ADAMTSL3: variants seen among roughly 807,000 people sequenced by gnomAD.
ADAMTSL3 encodes ADAMTS like 3, also known as ADAMTS-like protein 3.
A neutral mutation model predicts 201.7 loss-of-function variants in ADAMTSL3; 128 were observed. The ratio of observed to expected loss-of-function variants is 0.63; its 90% CI spans 0.55 to 0.73. ADAMTSL3 has a LOEUF of 0.73. Among genes scored for constraint, ADAMTSL3 ranks in the 30% least tolerant of loss-of-function variants. ADAMTSL3 has a pLI of 0.00. For synonymous variants in ADAMTSL3, 738 were observed against 748.4 expected (o/e 0.99, Z 0.23); for missense variants, 1,990 against 2,119.6 (o/e 0.94, Z 1.20).
intron 19 of ADAMTSL3, among the ~76,000 whole-genome samples, chr15:83,969,383 C>G (rs6603010): frequency 1 from 152,354 of 152,354 alleles, 76,177 homozygotes; most frequent in Non-Finnish European, 1. Flanking sequence ...GGCAGAGATT[C>G]CAGTGAGCTG....
Position 83,714,892 on chromosome 15 carries a change from T to TTC in ADAMTSL3, c.189+10384_189+10385insTC, listed in dbSNP as rs2061993347. Among the ~76,000 whole-genome samples, 35 of 37,780 alleles carry TTC rather than the reference T, an allele frequency of 9.3e-4. 1 individual carries two copies. The highest frequency in any genetic ancestry group is 2.6e-3 in the South Asian group (1 of 390). 24.8% of individuals were successfully genotyped at this position (37,780 alleles called of 152,430 possible). A position where few individuals can be genotyped will look rare whatever the true frequency, so the allele number is the denominator to read the frequency against. Reference sequence around the variant, plus strand: ...TCCCTCCCTCCCTTCCTTCCTTCCTTCCTTCCTTCCTTCCTTCCTTCCTTC... The same window carrying TTC: ...TCCCTCCCTCCCTTCCTTCCTTCCTTTCCCTTCCTTCCTTCCTTCCTTCCTTC... On this transcript the variant is annotated intron_variant, in intron 3 of 29. Coordinates refer to ENST00000286744, the MANE Select transcript of ADAMTSL3 (RefSeq NM_207517.3).
At chr15:84,015,699 T>C (rs2068077057) in intron 24 of ADAMTSL3, among the ~76,000 whole-genome samples, 1 of 152,214 alleles carries the variant, frequency 6.6e-6, no homozygotes, top group Non-Finnish European at 1.5e-5. Context: ...TCTTCCAAAA[T>C]CTTCGAATGG....
chr15:83,730,041 A>G (rs1026249927), intron 3 of ADAMTSL3, among the ~76,000 whole-genome samples: 6 of 152,096 alleles, frequency 3.9e-5, no homozygotes, highest in Non-Finnish European at 8.8e-5. Context: ...TACCTTGGCA[A>G]AATCCACTGG....
At chr15:83,787,240 T>C (rs967671513) in intron 4 of ADAMTSL3, among the ~76,000 whole-genome samples, 5 of 152,210 alleles carry the variant, frequency 3.3e-5, no homozygotes, top group African/African-American at 9.6e-5. Flanking sequence ...CGCTGTATTG[T>C]TTTATTTTTC....
intron 28 of ADAMTSL3, 116 bp downstream of exon 28, chr15:84,031,548 T>C: frequency 4.6e-6 from 4 of 871,558 alleles, no homozygotes; most frequent in Non-Finnish European, 5.5e-6. Context: ...TAATTGACAG[T>C]TTTCAATTAT....
intron 4 of ADAMTSL3, among the ~76,000 whole-genome samples, chr15:83,786,029 A>G (rs1439302039): frequency 6.6e-6 from 1 of 151,894 alleles, no homozygotes; most frequent in African/African-American, 2.4e-5. Flanking sequence ...TTTAGTAGAG[A>G]TGGGGTTTCA....
chr15:83,654,491 A>G lies in ADAMTSL3; in HGVS notation c.-34+215A>G, dbSNP rs1567052267. Among the ~76,000 whole-genome samples the G allele has an allele frequency of 6.6e-6, 1 of 151,974 alleles. No individual in the cohort carries two copies. Among genetic ancestry groups the G allele is most frequent in the Non-Finnish European group, 1.5e-5 (1 of 67,994 alleles). On this transcript the variant is annotated intron_variant, in intron 1 of 29. Transcript: ENST00000286744. This position sits in a 1 kb window ranked among gnomAD's most constrained non-coding sequence, Gnocchi z 5.3. ...CGGGCGCGCTTCGTGCCGTCCCGGA[A>G]GGTTCAGGGAGAGTCTTTCGGCGGC... is the stretch of plus-strand genomic sequence containing the variant.
intron 17 of ADAMTSL3, among the ~76,000 whole-genome samples, chr15:83,931,159 G>C (rs1053712585): frequency 2.0e-5 from 3 of 152,158 alleles, no homozygotes; most frequent in Non-Finnish European, 4.4e-5. Context: ...GTTACATAAT[G>C]GTCCTGCTAG....
Position 83,804,654 on chromosome 15 carries a change from T to C in ADAMTSL3, c.322T>C (p.Cys108Arg), listed in dbSNP as rs762589511. 1 of 1,576,616 alleles carries C rather than the reference T, an allele frequency of 6.3e-7. No homozygotes were observed. Among genetic ancestry groups the C allele is most frequent in the South Asian group, 1.2e-5 (1 of 83,358 alleles). Residue 108 changes from cysteine to arginine, a missense_variant, in exon 5 of 30, where the codon TGT (cysteine) becomes CGT (arginine). Coordinates refer to ENST00000286744, the MANE Select transcript of ADAMTSL3 (RefSeq NM_207517.3). ...CTTCTTTCTTTTTTCCTTTAGGAAT[T>C]GTGAAGGGCAGAACATTCGGTACAA... is the stretch of plus-strand genomic sequence containing the variant. ...SLRRCLTGRN[C>R]EGQNIRYKTC...
chr15:83,808,316 T>C (rs2063635503), intron 5 of ADAMTSL3, among the ~76,000 whole-genome samples: 1 of 152,166 alleles, frequency 6.6e-6, no homozygotes, highest in African/African-American at 2.4e-5. Context: ...GATTTAAAAA[T>C]GGGCAAAAGG....
intron 16 of ADAMTSL3, among the ~76,000 whole-genome samples, chr15:83,915,613 A>G (rs189967072): frequency 2.0e-5 from 3 of 152,308 alleles, no homozygotes; most frequent in Admixed American, 1.3e-4. Context: ...AGCCGTTAAC[A>G]TAATCAATTT....
intron 2 of ADAMTSL3, among the ~76,000 whole-genome samples, chr15:83,702,262 A>G (rs181295202): frequency 1.5e-3 from 223 of 152,354 alleles, no homozygotes; most frequent in Admixed American, 6.1e-3. Flanking sequence ...AAAAAGGGAA[A>G]CAGAACATAA....
intron 2 of ADAMTSL3, 80 bp downstream of exon 2, chr15:83,655,910 A>G (rs769843311): frequency 8.6e-5 from 118 of 1,374,712 alleles, no homozygotes; most frequent in Admixed American, 1.5e-4. Flanking sequence ...ACCACCTAAG[A>G]TGTGGCATGA....
chr15:83,741,768 G>A (rs58956574), intron 3 of ADAMTSL3, among the ~76,000 whole-genome samples: 13,557 of 152,134 alleles, frequency 0.089, 784 homozygotes, highest in East Asian at 0.28. Context: ...AGGCTGAAGC[G>A]AGAGGATCAC....
intron 7 of ADAMTSL3, among the ~76,000 whole-genome samples, chr15:83,844,297 T>C (rs1354567600): frequency 6.6e-6 from 1 of 152,222 alleles, no homozygotes; most frequent in Admixed American, 6.5e-5. Flanking sequence ...AATCCTGGGC[T>C]AGGTGGATCA....
intron 10 of ADAMTSL3, among the ~76,000 whole-genome samples, chr15:83,886,341 G>A (rs1349370929): frequency 1.3e-5 from 2 of 152,184 alleles, no homozygotes; most frequent in Non-Finnish European, 2.9e-5. Flanking sequence ...TGTTTACCAT[G>A]TGTCAAGCCA....
chr15:83,730,060 A>G (rs888526323), intron 3 of ADAMTSL3, among the ~76,000 whole-genome samples: 4 of 151,988 alleles, frequency 2.6e-5, no homozygotes, highest in South Asian at 2.1e-4. Flanking sequence ...GGGTATAAAA[A>G]CCATACCTCT....
chr15:83,809,495 C>T (rs2141878549), intron 5 of ADAMTSL3, among the ~76,000 whole-genome samples: 1 of 152,288 alleles, frequency 6.6e-6, no homozygotes, highest in Middle Eastern at 3.4e-3. Context: ...CCTTGCAGTC[C>T]CTGCCTCTTT....
intron 10 of ADAMTSL3, among the ~76,000 whole-genome samples, chr15:83,888,921 C>T (rs889134079): frequency 2.0e-5 from 3 of 152,168 alleles, no homozygotes; most frequent in African/African-American, 7.2e-5. Flanking sequence ...TATTTTTAGA[C>T]CTTTAGACCA....
Sources: allele counts gnomAD v4.1 joint callset (sites outside exome capture counted in the v4.1 genomes callset), GRCh38; gene constraint gnomAD v4.1.1; non-coding constraint Gnocchi (gnomAD v3.1); transcripts MANE v1.5; gene names NCBI Gene and HGNC (gene_info 2026-07-23, HGNC 2026-07-21).